The following NTSR1 variants were observed in gnomAD, a reference collection of about 807,000 sequenced individuals.
NTSR1 encodes the protein neurotensin receptor type 1.
A neutral mutation model predicts 31.2 loss-of-function variants in NTSR1; 29 were observed. That is an observed-to-expected ratio of 0.93 (90% CI 0.69 to 1.27). The LOEUF is 1.27. Ranked by LOEUF, NTSR1 falls within the 50% of genes most tolerant of loss-of-function variation. The pLI is 0.00. For synonymous variants in NTSR1, 282 were observed against 269.9 expected, an observed-to-expected ratio of 1.04 and a Z score of -0.44; for missense variants, 697 against 595.4, an observed-to-expected ratio of 1.17 and a Z score of -1.78.
chr20:62,738,052 C>A, intron 1 of NTSR1, among the ~76,000 whole-genome samples: 2 of 152,176 alleles, frequency 1.3e-5, no homozygotes, highest in Admixed American at 6.5e-5. Flanking sequence ...CAGTGCCCAT[C>A]TGCCCACGTC....
intron 1 of NTSR1, among the ~76,000 whole-genome samples, chr20:62,747,266 C>G (rs1227254842): frequency 3.9e-5 from 6 of 152,064 alleles, no homozygotes; most frequent in Non-Finnish European, 5.9e-5. Context: ...TATGACAGAC[C>G]CACAGCTAAC....
intron 1 of NTSR1, among the ~76,000 whole-genome samples, chr20:62,725,567 C>T (rs1988892616): frequency 6.6e-6 from 1 of 152,218 alleles, no homozygotes; most frequent in Non-Finnish European, 1.5e-5. Flanking sequence ...CCTGCAGCCA[C>T]CCAACCGGCC....
rs1035807928 is a variant in NTSR1 at position 62,743,285 on chromosome 20, C to T, written c.715-11400C>T. On this transcript the variant is annotated intron_variant, in intron 1 of 3. Transcript: ENST00000370501. The surrounding 1 kb of genome is among the most constrained non-coding windows in gnomAD (Gnocchi z 7.5). ...AGTTGTTCACCAATCATTGGGGTTT[C>T]GAACAAGCCTGTGCTGACGGCCCTG... 2.0e-5 allele frequency among the ~76,000 whole-genome samples: 3 copies of T among 149,334 alleles called. 1 individual carries two copies. The Admixed American group carries it at 2.0e-4, about 10-fold the overall frequency.
At chr20:62,727,255 C>T (rs1307812106) in intron 1 of NTSR1, among the ~76,000 whole-genome samples, 3 of 152,194 alleles carry the variant, frequency 2.0e-5, no homozygotes, top group Admixed American at 1.3e-4. Context: ...CCTGTCACCA[C>T]GTAGATGCGC....
chr20:62,759,084 C>T (rs756933203), intron 3 of NTSR1, among the ~76,000 whole-genome samples: 2 of 152,230 alleles, frequency 1.3e-5, no homozygotes, highest in African/African-American at 4.8e-5. Flanking sequence ...TTGGGGCCCA[C>T]TTGTGAACCC....
At chr20:62,756,384 A>G (rs1369799587) in intron 2 of NTSR1, among the ~76,000 whole-genome samples, 1 of 152,232 alleles carries the variant, frequency 6.6e-6, no homozygotes, top group African/African-American at 2.4e-5. Context: ...TGCCAACAAC[A>G]CAGGGCTTGG....
In NTSR1 at chr20:62,709,259, C is replaced by T. The variant is rs1209145256; in HGVS notation, c.52C>T (p.Pro18Ser). The T allele has an allele frequency of 6.5e-7, 1 of 1,540,706 alleles. No homozygotes were observed. Among genetic ancestry groups the T allele is most frequent in the Non-Finnish European group, 8.7e-7 (1 of 1,149,964 alleles). ...PGTPGTPAAD[P>S]FQRAQAGLEE... is the part of the protein sequence containing the mutation. ...AACCCCGGGCACGCCGGCCGCCGAC[C>T]CCTTCCAGCGGGCGCAGGCCGGACT... The change falls in exon 1 of 4, where the codon CCC (proline) becomes TCC (serine). Residue 18 changes from proline to serine, a missense_variant. By Grantham distance (74) the Pro-to-Ser change is moderately conservative (BLOSUM62 -1). Transcript: ENST00000370501.
chr20:62,709,273 G>T lies in NTSR1; in HGVS notation c.66G>T (p.Ala22=). Residue 22 remains alanine (A), a synonymous_variant, in exon 1 of 4, where the codon GCG becomes GCT. Transcript: ENST00000370501. ...GTPAADPFQR[A]QAGLEEALLA... The stretch of plus-strand genomic sequence containing the variant: ...CGGCCGCCGACCCCTTCCAGCGGGC[G>T]CAGGCCGGACTGGAGGAGGCGCTGC... 1 of 1,566,416 alleles carries T rather than the reference G, an allele frequency of 6.4e-7. No homozygotes were observed. The highest frequency in any genetic ancestry group is 8.6e-7 in the Non-Finnish European group (1 of 1,161,860).
intron 1 of NTSR1, chr20:62,735,471 G>A (rs1377477270): frequency 1.3e-5 from 2 of 152,262 alleles, no homozygotes; most frequent in Non-Finnish European, 2.9e-5. Context: ...CAGTGAGACT[G>A]CCACTATACA....
intron 1 of NTSR1, among the ~76,000 whole-genome samples, chr20:62,738,159 G>A (rs965840778): frequency 2.3e-4 from 25 of 110,154 alleles, no homozygotes; most frequent in Admixed American, 1.2e-3. Context: ...GCCTGGGCAC[G>A]CAGTGCACGC....
intron 1 of NTSR1, among the ~76,000 whole-genome samples, chr20:62,736,944 T>C (rs1444668717): frequency 6.6e-6 from 1 of 152,212 alleles, no homozygotes; most frequent in Non-Finnish European, 1.5e-5. Context: ...TGCCCTGCTG[T>C]CACTCACACC....
rs538504570 is a variant in NTSR1 at position 62,709,170 on chromosome 20, G to A, written c.-38G>A. On this transcript the variant is annotated 5_prime_UTR_variant, in exon 1 of 4. Coordinates refer to ENST00000370501, the MANE Select transcript of NTSR1 (RefSeq NM_002531.3). The stretch of plus-strand genomic sequence containing the variant: ...CACTCCTGCCCGGACTTCCAGCCCC[G>A]GAGGCGCCGGACAGAGCCGCGGACT... 3 of 1,363,772 alleles carry A rather than the reference G, an allele frequency of 2.2e-6. No homozygotes were observed. The highest frequency in any genetic ancestry group is 2.9e-5 in the East Asian group (1 of 34,144). The allele number at this position is 1,363,772 out of a possible 1,614,324, so 84.5% of individuals were successfully genotyped here.
At chr20:62,722,853 T>C (rs1390582190) in intron 1 of NTSR1, among the ~76,000 whole-genome samples, 3 of 152,234 alleles carry the variant, frequency 2.0e-5, no homozygotes, top group African/African-American at 7.2e-5. Flanking sequence ...CCGTAGATTT[T>C]AAACACTGCC....
intron 1 of NTSR1, among the ~76,000 whole-genome samples, chr20:62,752,017 G>A (rs1361040799): frequency 3.3e-5 from 5 of 152,192 alleles, no homozygotes; most frequent in Non-Finnish European, 7.3e-5. Flanking sequence ...TTGTCCTAGC[G>A]ACCTGCCTTT....
rs1395054633 is a variant in NTSR1 at position 62,741,295 on chromosome 20, C to T, written c.715-13390C>T. Among the ~76,000 whole-genome samples the T allele has an allele frequency of 6.6e-6, 1 of 150,510 alleles. No homozygotes were observed. The highest frequency in any genetic ancestry group is 1.5e-5 in the Non-Finnish European group (1 of 68,038). On this transcript the variant is annotated intron_variant, in intron 1 of 3. Coordinates refer to ENST00000370501, the MANE Select transcript of NTSR1 (RefSeq NM_002531.3). The surrounding 1 kb of genome is among the most constrained non-coding windows in gnomAD (Gnocchi z 4.3). Reference sequence around the variant, plus strand: ...GGGCTTCTGTTCTGCCAAGTCCCCACTCAGACAATGGCCTCTATAGCTCCA... The same window carrying T: ...GGGCTTCTGTTCTGCCAAGTCCCCATTCAGACAATGGCCTCTATAGCTCCA...
rs1382648607 is a variant in NTSR1 at position 62,714,279 on chromosome 20, A to G, written c.714+4358A>G. Among the ~76,000 whole-genome samples the G allele has an allele frequency of 6.6e-6, 1 of 152,228 alleles. No individual in the cohort carries two copies. Among genetic ancestry groups the G allele is most frequent in the Non-Finnish European group, 1.5e-5 (1 of 68,038 alleles). The stretch of plus-strand genomic sequence containing the variant: ...CATAGAGGGCTGTTGGTGTGGGGCC[A>G]AGAGTCACACACTTCCTCCAGTCTG... On this transcript the variant is annotated intron_variant, in intron 1 of 3. Transcript: ENST00000370501. The surrounding 1 kb of genome is among the most constrained non-coding windows in gnomAD (Gnocchi z 4.1).
chr20:62,737,853 C>T (rs1427123579), intron 1 of NTSR1, among the ~76,000 whole-genome samples: 3 of 150,010 alleles, frequency 2.0e-5, no homozygotes, highest in Middle Eastern at 3.2e-3. Flanking sequence ...CCCCTGCCCC[C>T]GGTCCTCCCC....
intron 2 of NTSR1, among the ~76,000 whole-genome samples, chr20:62,757,410 T>C (rs192709613): frequency 6.6e-6 from 1 of 152,252 alleles, no homozygotes. Context: ...TCTATTCCCT[T>C]GGTCTACGTG....
Position 62,708,998 on chromosome 20 carries a change from G to A in NTSR1, c.-210G>A, listed in dbSNP as rs543071716. On this transcript the variant is annotated 5_prime_UTR_variant, in exon 1 of 4. Coordinates refer to ENST00000370501, the MANE Select transcript of NTSR1 (RefSeq NM_002531.3). This position sits in a 1 kb window ranked among gnomAD's most constrained non-coding sequence, Gnocchi z 5.9. ...TCTGGAGCTAGGAGCCGGAAGCTGG[G>A]AGTCCGGAGGAGAGCGGAGCCCGGA... is the stretch of plus-strand genomic sequence containing the variant. 19 of 442,344 alleles carry A rather than the reference G, an allele frequency of 4.3e-5. No individual in the cohort carries two copies. The East Asian group carries it at 6.9e-4, about 16-fold the overall frequency. The allele number at this position is 442,344 out of a possible 1,614,324, so 27.4% of individuals were successfully genotyped here.
Sources: allele counts gnomAD v4.1 joint callset (sites outside exome capture counted in the v4.1 genomes callset), GRCh38; gene constraint gnomAD v4.1.1; non-coding constraint Gnocchi (gnomAD v3.1); transcripts MANE v1.5; gene names NCBI Gene and HGNC (gene_info 2026-07-23, HGNC 2026-07-21).